KLHL41: variants seen among roughly 807,000 people sequenced by gnomAD.
KLHL41 encodes kelch like family member 41.
KLHL41 carries 31 observed loss-of-function variants against 49.2 expected under a neutral mutation model. That is an observed-to-expected ratio of 0.63 (90% CI 0.47 to 0.85). The LOEUF (loss-of-function observed/expected upper bound fraction) is 0.85. Among genes scored for constraint, KLHL41 ranks in the 40% least tolerant of loss-of-function variants. KLHL41 has a pLI of 0.00. For missense variants in KLHL41, 663 were observed against 726.7 expected (o/e 0.91, Z 1.01); for synonymous variants, 218 against 258.5 (o/e 0.84, Z 1.50).
At chr2:169,523,831 G>A (rs985175961) in intron 5 of KLHL41, among the ~76,000 whole-genome samples, 9 of 152,192 alleles carry the variant, frequency 5.9e-5, no homozygotes, top group South Asian at 2.1e-4. Flanking sequence ...TAGGGCCAGC[G>A]ATCTGTGTTT....
At position 169,518,302 on chromosome 2, in the gene KLHL41, A is replaced by T. The variant is rs1190022488; in HGVS notation, c.1489A>T (p.Ile497Phe). 1 of 1,614,078 alleles carries T rather than the reference A, an allele frequency of 6.2e-7. No homozygotes were observed. Among genetic ancestry groups the T allele is most frequent in the Middle Eastern group, 1.6e-4 (1 of 6,062 alleles). ...TGGAGTAGCAGTCCATAAAGGCAAA[A>T]TTGTGATTGCAGGAGGTGTCACTGA... ...MFGVAVHKGKIVIAGGVTEDG... is the reference protein window; with the variant it reads ...MFGVAVHKGKFVIAGGVTEDG... Residue 497 changes from isoleucine (I) to phenylalanine (F), a missense_variant, in exon 4 of 6, where the codon ATT becomes TTT. Physicochemically the swap from Ile to Phe is conservative, Grantham distance 21. Coordinates refer to ENST00000284669, the MANE Select transcript of KLHL41 (RefSeq NM_006063.3).
rs759037384 is a variant in KLHL41 at position 169,510,562 on chromosome 2, A to G, written c.784A>G (p.Lys262Glu). Residue 262 changes from lysine (K) to glutamate (E), a missense_variant, in exon 1 of 6, where the codon AAA becomes GAA. Physicochemically the swap from Lys to Glu is moderately conservative, Grantham distance 56 (BLOSUM62 1). Transcript: ENST00000284669. This position sits in a 1 kb window ranked among gnomAD's most constrained non-coding sequence, Gnocchi z 4.2. ...IKVLKDAFAGKLPEPSKNAAK... is the reference protein window; with the variant it reads ...IKVLKDAFAGELPEPSKNAAK... ...AGTTCTAAAAGATGCTTTCGCAGGCAAACTCCCAGAACCTAGCAAAAATGC... is the reference window on the plus strand; with the variant it reads ...AGTTCTAAAAGATGCTTTCGCAGGCGAACTCCCAGAACCTAGCAAAAATGC... The G allele has an allele frequency of 6.2e-7, 1 of 1,614,152 alleles. No homozygotes were observed. The highest frequency in any genetic ancestry group is 8.5e-7 in the Non-Finnish European group (1 of 1,180,018).
At chr2:169,525,059 T>C (rs1200098462) in intron 5 of KLHL41, among the ~76,000 whole-genome samples, 2 of 152,130 alleles carry the variant, frequency 1.3e-5, no homozygotes, top group African/African-American at 4.8e-5. Context: ...CTTACCTAAG[T>C]CAAGTGCAAA....
In KLHL41 at chr2:169,509,792, G is replaced by A. The variant is rs747822404; in HGVS notation, c.14G>A (p.Arg5Gln). Residue 5 changes from arginine to glutamine, a missense_variant, in exon 1 of 6, where the codon CGG becomes CAG. Physicochemically the swap from Arg to Gln is conservative, Grantham distance 43. This residue lies in a region of KLHL41 where 129 missense variants were observed against 122.1 expected (regional missense o/e 1.06). Coordinates refer to ENST00000284669, the MANE Select transcript of KLHL41 (RefSeq NM_006063.3). ...GTTTCTCACAGAATGGATTCCCAGC[G>A]GGAACTTGCAGAGGAACTGCGGCTT... MDSQ[R>Q]ELAEELRLYQ... 1.1e-5 allele frequency: 18 copies of A among 1,610,712 alleles called. No individual in the cohort carries two copies. Among genetic ancestry groups the A allele is most frequent in the Non-Finnish European group, 1.4e-5 (16 of 1,179,264 alleles).
chr2:169,522,486 A>C (rs939391435), intron 5 of KLHL41, among the ~76,000 whole-genome samples: 2 of 152,170 alleles, frequency 1.3e-5, no homozygotes, highest in Non-Finnish European at 2.9e-5. Flanking sequence ...GTAGGAAAAA[A>C]GGATGAACTA....
At chr2:169,512,185 T>C (rs3769772) in intron 1 of KLHL41, among the ~76,000 whole-genome samples, 5,762 of 152,336 alleles carry the variant, frequency 0.038, 144 homozygotes, top group East Asian at 0.11. Context: ...ATAATACATA[T>C]TAATCATGTT....
chr2:169,510,102 A>T lies in KLHL41; in HGVS notation c.324A>T (p.Ala108=). The change falls in exon 1 of 6, where the codon GCA becomes GCT. Residue 108 remains alanine, a synonymous_variant. Coordinates refer to ENST00000284669, the MANE Select transcript of KLHL41 (RefSeq NM_006063.3). The surrounding 1 kb of genome is among the most constrained non-coding windows in gnomAD (Gnocchi z 4.2). ...ACGGAAATGTGCAAGATATTTTTGCATTGGCCAGCCGCTTTCAGATCCCCT... is the reference window on the plus strand; with the variant it reads ...ACGGAAATGTGCAAGATATTTTTGCTTTGGCCAGCCGCTTTCAGATCCCCT... ...LNDGNVQDIF[A]LASRFQIPSV... The T allele has an allele frequency of 6.2e-7, 1 of 1,614,176 alleles. No individual in the cohort carries two copies. Among genetic ancestry groups the T allele is most frequent in the Non-Finnish European group, 8.5e-7 (1 of 1,180,040 alleles).
rs1684148189 is a variant in KLHL41 at position 169,518,325 on chromosome 2, T to G, written c.1512T>G (p.Thr504=). The G allele has an allele frequency of 6.2e-7, 1 of 1,613,844 alleles. No individual in the cohort carries two copies. Among genetic ancestry groups the G allele is most frequent in the Non-Finnish European group, 8.5e-7 (1 of 1,179,944 alleles). Residue 504 remains threonine, a synonymous_variant, in exon 4 of 6, where the codon ACT becomes ACG. Coordinates refer to ENST00000284669, the MANE Select transcript of KLHL41 (RefSeq NM_006063.3). ...AAATTGTGATTGCAGGAGGTGTCAC[T>G]GAAGATGGTCTTTCAGCTTCAGTTG... ...KGKIVIAGGV[T]EDGLSASVEA... is the part of the protein sequence containing the mutation.
In KLHL41 at chr2:169,518,515, T is replaced by C. The variant is rs12989605; in HGVS notation, c.1562+140T>C. The C allele has an allele frequency of 5.1e-6, 3 of 587,934 alleles. No homozygotes were observed. In the South Asian group the frequency reaches 9.8e-5, roughly 19 times the overall value. The allele number at this position is 587,934 out of a possible 1,614,324, so 36.4% of individuals were successfully genotyped here. On this transcript the variant is annotated intron_variant, in intron 4 of 5. Transcript: ENST00000284669. ...ACAGATTACAAAGGAAGTATTTTCA[T>C]CTGGGTTTCTTTTGTTGTTACTGGA...
chr2:169,519,993 C>T (rs746346741), intron 4 of KLHL41, among the ~76,000 whole-genome samples: 6 of 151,376 alleles, frequency 4.0e-5, no homozygotes, highest in Non-Finnish European at 7.4e-5. Flanking sequence ...TGCCTGTGCT[C>T]CTTGAATTTT....
intron 1 of KLHL41, among the ~76,000 whole-genome samples, 187 bp downstream of exon 1, chr2:169,511,075 A>C (rs1288685993): frequency 6.6e-6 from 1 of 152,204 alleles, no homozygotes; most frequent in Non-Finnish European, 1.5e-5. Context: ...TTAATGTGTA[A>C]TAAAAAGTTT....
Position 169,510,008 on chromosome 2 carries a change from A to G in KLHL41, c.230A>G (p.Asp77Gly). 1 of 1,614,232 alleles carries G rather than the reference A, an allele frequency of 6.2e-7. No homozygotes were observed. Among genetic ancestry groups the G allele is most frequent in the East Asian group, 2.2e-5 (1 of 44,892 alleles). Residue 77 changes from aspartate to glycine, a missense_variant, in exon 1 of 6, where the codon GAC becomes GGC. By Grantham distance (94) the Asp-to-Gly change is moderately conservative. This residue lies in a region of KLHL41 where 129 missense variants were observed against 122.1 expected (regional missense o/e 1.06). Coordinates refer to ENST00000284669, the MANE Select transcript of KLHL41 (RefSeq NM_006063.3). This position sits in a 1 kb window ranked among gnomAD's most constrained non-coding sequence, Gnocchi z 4.2. Reference protein sequence around the residue: ...DEAKKKEVVLDNVDPAILDLI... With the variant: ...DEAKKKEVVLGNVDPAILDLI... Reference sequence around the variant, plus strand: ...GCGAAAAAAAAGGAGGTAGTGCTAGACAATGTGGATCCTGCTATACTTGAT... The same window carrying G: ...GCGAAAAAAAAGGAGGTAGTGCTAGGCAATGTGGATCCTGCTATACTTGAT...
Position 169,509,956 on chromosome 2 carries a change from G to A in KLHL41, c.178G>A (p.Glu60Lys). ...ILSACSPYFR[E>K]YFLSEIDEAK... ...GTCAGCTTGTAGTCCTTACTTCCGT[G>A]AGTACTTTTTATCTGAAATTGATGA... The change falls in exon 1 of 6, where the codon GAG (glutamate) becomes AAG (lysine). Residue 60 changes from glutamate to lysine, a missense_variant. Coordinates refer to ENST00000284669, the MANE Select transcript of KLHL41 (RefSeq NM_006063.3). The A allele has an allele frequency of 6.2e-7, 1 of 1,614,082 alleles. No individual in the cohort carries two copies. The highest frequency in any genetic ancestry group is 2.2e-5 in the East Asian group (1 of 44,886).
rs911667769 is a variant in KLHL41, at chr2:169,525,464, T to A, written c.1710-121T>A. 1.9e-5 allele frequency: 12 copies of A among 636,426 alleles called. No homozygotes were observed. In the East Asian group the frequency reaches 2.6e-4, roughly 14 times the overall value. 39.4% of individuals were successfully genotyped at this position (636,426 alleles called of 1,614,324 possible). ...TTTAAGTTCTGTTCTACCAGGCAGG[T>A]GCATCTTCTTCTGAGTAAGAGCCAC... On this transcript the variant is annotated intron_variant, in intron 5 of 5. Transcript: ENST00000284669.
chr2:169,514,507 C>CT (rs1454695503), intron 1 of KLHL41, 67 bp from the exon 2 acceptor site: 23 of 1,376,160 alleles, frequency 1.7e-5, no homozygotes, highest in Middle Eastern at 2.1e-4. Context: ...TAAAGTATAA[C>CT]TTTTTTTGGT....
intron 1 of KLHL41, among the ~76,000 whole-genome samples, chr2:169,511,450 G>T (rs1684028633): frequency 1.3e-5 from 2 of 152,146 alleles, no homozygotes; most frequent in Non-Finnish European, 2.9e-5. Flanking sequence ...CCATTATAAA[G>T]AAGTAATAAT....
intron 4 of KLHL41, among the ~76,000 whole-genome samples, chr2:169,518,705 G>A (rs1684154594): frequency 6.6e-6 from 1 of 152,164 alleles, no homozygotes; most frequent in Non-Finnish European, 1.5e-5. Context: ...TAAGAGACAA[G>A]GTCTGGCTCT....
intron 5 of KLHL41, among the ~76,000 whole-genome samples, chr2:169,523,514 T>G (rs546918864): frequency 7.2e-5 from 11 of 152,218 alleles, no homozygotes; most frequent in African/African-American, 2.6e-4. Context: ...GACTGGTATT[T>G]CCTAATTTGG....
intron 3 of KLHL41, 87 bp downstream of exon 3, chr2:169,515,048 T>C: frequency 1.2e-6 from 1 of 844,394 alleles, no homozygotes; most frequent in Non-Finnish European, 1.8e-6. Context: ...TTTTTTTTTT[T>C]TTGAGATGGA....
Sources: allele counts gnomAD v4.1 joint callset (sites outside exome capture counted in the v4.1 genomes callset), GRCh38; gene constraint gnomAD v4.1.1; regional missense constraint gnomAD v4.1.1; non-coding constraint Gnocchi (gnomAD v3.1); transcripts MANE v1.5; gene names NCBI Gene and HGNC (gene_info 2026-07-23, HGNC 2026-07-21).